The following CSMD3 variants were observed in gnomAD, a reference collection of about 807,000 sequenced individuals.
CSMD3 encodes CUB and sushi domain-containing protein 3.
Under a neutral mutation model 435.2 loss-of-function variants are expected in CSMD3, and 177 were observed. The observed-to-expected ratio is 0.41, with a 90% CI of 0.36 to 0.46. The LOEUF is 0.46. Among genes scored for constraint, CSMD3 ranks in the 20% least tolerant of loss-of-function variants. The probability of loss-of-function intolerance (pLI) is 0.34; values close to 1 mark genes in which losing one functional copy is unlikely to be tolerated. For missense variants in CSMD3, 4,265 were observed against 4,504.6 expected, an observed-to-expected ratio of 0.95 and a Z score of 1.52; for synonymous variants, 1,656 against 1,520.5, an observed-to-expected ratio of 1.09 and a Z score of -2.07.
intron 32 of CSMD3, among the ~76,000 whole-genome samples, chr8:112,424,944 C>A (rs1384884274): frequency 1.3e-5 from 2 of 152,188 alleles, no homozygotes; most frequent in African/African-American, 2.4e-5. Flanking sequence ...CCCACCTCAG[C>A]CTCTCAAAGT....
In CSMD3 at chr8:112,289,545, T is replaced by C. The variant is rs764834252; in HGVS notation, c.8975-7A>G. On this transcript the variant is annotated splice_polypyrimidine_tract_variant and splice_region_variant and intron_variant, in intron 56 of 70. Transcript: ENST00000297405. Reference sequence around the variant, plus strand: ...GGGTGTCCACAGTCAATCACTACAATACATAATTATTAAATATAAAATTTT... The same window carrying C: ...GGGTGTCCACAGTCAATCACTACAACACATAATTATTAAATATAAAATTTT... 2 of 1,570,756 alleles carry C rather than the reference T, an allele frequency of 1.3e-6. No individual in the cohort carries two copies. The highest frequency in any genetic ancestry group is 1.8e-5 in the Admixed American group (1 of 56,526).
chr8:113,126,536 G>C, intron 4 of CSMD3, among the ~76,000 whole-genome samples: 1 of 151,828 alleles, frequency 6.6e-6, no homozygotes, highest in East Asian at 1.9e-4. Flanking sequence ...TACCAATCTG[G>C]ATGACATTAA....
chr8:112,565,452 C>T, intron 24 of CSMD3, among the ~76,000 whole-genome samples: 1 of 152,036 alleles, frequency 6.6e-6, no homozygotes, highest in East Asian at 1.9e-4. Context: ...GGCTAGTATG[C>T]AAGAAAAAGC....
intron 1 of CSMD3, among the ~76,000 whole-genome samples, chr8:113,362,558 T>C (rs561085312): frequency 2.0e-5 from 3 of 152,300 alleles, no homozygotes; most frequent in Non-Finnish European, 4.4e-5. Flanking sequence ...TATGTAATAT[T>C]TTAATGAAAA....
chr8:112,326,474 T>A (rs2130901948), intron 45 of CSMD3, among the ~76,000 whole-genome samples: 1 of 152,248 alleles, frequency 6.6e-6, no homozygotes, highest in South Asian at 2.1e-4. Flanking sequence ...AAAATAGACA[T>A]AAAGCCAAGA....
intron 3 of CSMD3, among the ~76,000 whole-genome samples, chr8:113,227,610 C>A (rs1420076076): frequency 1.3e-5 from 2 of 151,444 alleles, no homozygotes; most frequent in South Asian, 4.2e-4. Flanking sequence ...AGTTTTCTCG[C>A]GATAGTGAGT....
chr8:112,810,429 A>G (rs1195279827), intron 12 of CSMD3, among the ~76,000 whole-genome samples: 1 of 152,156 alleles, frequency 6.6e-6, no homozygotes, highest in Non-Finnish European at 1.5e-5. Context: ...TAAGTCTAAT[A>G]TAAGTTAATT....
chr8:112,624,328 C>T (rs1834315288), intron 22 of CSMD3, among the ~76,000 whole-genome samples: 1 of 152,016 alleles, frequency 6.6e-6, no homozygotes, highest in Non-Finnish European at 1.5e-5. Flanking sequence ...AATTCTAGAA[C>T]TTTATTTTTA....
chr8:112,547,734 T>C (rs764829397), intron 27 of CSMD3, among the ~76,000 whole-genome samples: 10 of 151,972 alleles, frequency 6.6e-5, no homozygotes, highest in South Asian at 2.1e-4. Flanking sequence ...TTTAAGCACA[T>C]GGGAGCAGAA....
At chr8:112,391,760 G>A (rs557280119) in intron 35 of CSMD3, among the ~76,000 whole-genome samples, 1 of 151,910 alleles carries the variant, frequency 6.6e-6, no homozygotes, top group South Asian at 2.1e-4. Flanking sequence ...GTCCTTAGAT[G>A]GAACTGAAGA....
At chr8:112,558,731 T>C (rs1828353117) in intron 24 of CSMD3, among the ~76,000 whole-genome samples, 1 of 151,780 alleles carries the variant, frequency 6.6e-6, no homozygotes, top group African/African-American at 2.4e-5. Flanking sequence ...GAGAATTGGG[T>C]TTTGCATTAC....
intron 59 of CSMD3, among the ~76,000 whole-genome samples, chr8:112,276,511 C>T (rs1818056074): frequency 6.6e-6 from 1 of 152,096 alleles, no homozygotes; most frequent in African/African-American, 2.4e-5. Context: ...CATAACAGAA[C>T]TCTGTGACAG....
At chr8:113,265,306 A>G (rs979618168) in intron 3 of CSMD3, among the ~76,000 whole-genome samples, 2 of 151,594 alleles carry the variant, frequency 1.3e-5, no homozygotes, top group African/African-American at 4.8e-5. Flanking sequence ...GAAACAAAAA[A>G]AAATAGCCTG....
rs1040825656 is a variant in CSMD3, at chr8:112,224,762, G to T, written c.*9C>A. Reference sequence around the variant, plus strand: ...TTCCAAGCTTCTGAAGAAGGCAAAGGTTGCCTCGTTATACCATTGTGCAAA... The same window carrying T: ...TTCCAAGCTTCTGAAGAAGGCAAAGTTTGCCTCGTTATACCATTGTGCAAA... On this transcript the variant is annotated 3_prime_UTR_variant, in exon 71 of 71. Transcript: ENST00000297405. The T allele has an allele frequency of 1.2e-6, 2 of 1,613,680 alleles. No homozygotes were observed. The highest frequency in any genetic ancestry group is 1.7e-6 in the Non-Finnish European group (2 of 1,179,734).
chr8:113,270,903 C>G (rs1588416167), intron 3 of CSMD3, among the ~76,000 whole-genome samples: 1 of 151,508 alleles, frequency 6.6e-6, no homozygotes, highest in African/African-American at 2.4e-5. Flanking sequence ...TGCAGCACAC[C>G]AACATGGCAC....
intron 5 of CSMD3, among the ~76,000 whole-genome samples, chr8:113,062,031 TA>T (rs200811450): frequency 0.067 from 10,121 of 151,658 alleles, 455 homozygotes; most frequent in Non-Finnish European, 0.095. Flanking sequence ...TGAAAACTCT[TA>T]ATTTGTCTAT....
In CSMD3 at chr8:112,408,371, C is replaced by T. The variant is rs758681135; in HGVS notation, c.5552G>A (p.Arg1851Gln). Residue 1851 changes from arginine to glutamine, a missense_variant, in exon 34 of 71, where the codon CGA becomes CAA. By Grantham distance (43) the Arg-to-Gln change is conservative. Around this residue, in one of 3 missense-constraint regions of CSMD3, gnomAD observed 3,255 missense variants for 3,380.2 expected, o/e 0.96. Transcript: ENST00000297405. ...TGTTATTGGTCCAACTGAAGTAAATCGAATTGTGATCTGATTACCTGAACT... is the reference window on the plus strand; with the variant it reads ...TGTTATTGGTCCAACTGAAGTAAATTGAATTGTGATCTGATTACCTGAACT... Reference protein sequence around the residue: ...PLSSGNQITIRFTSVGPITAK... With the variant: ...PLSSGNQITIQFTSVGPITAK... 28 of 1,611,670 alleles carry T rather than the reference C, an allele frequency of 1.7e-5. No individual in the cohort carries two copies. The Admixed American group carries it at 4.0e-4, about 23-fold the overall frequency.
intron 20 of CSMD3, among the ~76,000 whole-genome samples, chr8:112,644,014 T>C (rs900149977): frequency 1.3e-5 from 2 of 151,712 alleles, no homozygotes; most frequent in African/African-American, 2.4e-5. Flanking sequence ...AGATTTTCTA[T>C]ATTAAAATCA....
chr8:113,173,695 C>T lies in CSMD3; in HGVS notation c.709+27G>A, dbSNP rs556649808. 7.8e-6 allele frequency: 12 copies of T among 1,547,874 alleles called. No individual in the cohort carries two copies. The East Asian group carries it at 2.3e-4, about 29-fold the overall frequency. On this transcript the variant is annotated intron_variant, in intron 4 of 70. Transcript: ENST00000297405. Reference sequence around the variant, plus strand: ...TCAAATACACTGGCTGATAACAACTCTCATTTTTAAAGTGTTTTCATTTTA... The same window carrying T: ...TCAAATACACTGGCTGATAACAACTTTCATTTTTAAAGTGTTTTCATTTTA...
Sources: allele counts gnomAD v4.1 joint callset (sites outside exome capture counted in the v4.1 genomes callset), GRCh38; gene constraint gnomAD v4.1.1; regional missense constraint gnomAD v4.1.1; transcripts MANE v1.5; gene names NCBI Gene and HGNC (gene_info 2026-07-23, HGNC 2026-07-21).